CD58: variants seen among roughly 807,000 people sequenced by gnomAD.
CD58 encodes lymphocyte function-associated antigen 3.
In CD58, 14 loss-of-function variants were observed where a neutral mutation model predicts 27.6. That is an observed-to-expected ratio of 0.51 (90% confidence interval 0.34 to 0.79). CD58 has a LOEUF of 0.79. Ranked by LOEUF, CD58 falls within the 30% of genes least tolerant of loss-of-function variation. The probability of loss-of-function intolerance (pLI) is 0.02; values close to 1 mark genes in which losing one functional copy is unlikely to be tolerated. For synonymous variants in CD58, 117 were observed against 103.8 expected (o/e 1.13, Z -0.77); for missense variants, 268 against 301.7 (o/e 0.89, Z 0.83).
At chr1:116,567,417 C>T (rs1658977674) in intron 1 of CD58, among the ~76,000 whole-genome samples, 1 of 152,060 alleles carries the variant, frequency 6.6e-6, no homozygotes, top group Non-Finnish European at 1.5e-5. Flanking sequence ...GGGAGGATCA[C>T]TTGAGCCCAG....
At chr1:116,548,875 T>C (rs1658287449) in intron 1 of CD58, among the ~76,000 whole-genome samples, 1 of 152,224 alleles carries the variant, frequency 6.6e-6, no homozygotes, top group South Asian at 2.1e-4. Context: ...CACATTGTCT[T>C]GTATTCCTTT....
chr1:116,569,534 CAA>C (rs1469945780), intron 1 of CD58, among the ~76,000 whole-genome samples: 1 of 151,286 alleles, frequency 6.6e-6, no homozygotes, highest in African/African-American at 2.4e-5. Context: ...GACTGCTTCA[CAA>C]AAGACACTTG....
In CD58 at chr1:116,536,233, A is replaced by G. The variant is rs572700118; in HGVS notation, c.365-5T>C. ...GTGTGGGAGATGGAAGAGACTCTGG[A>G]AAAAAAAGTATAATATTTAGTACAG... On this transcript the variant is annotated splice_polypyrimidine_tract_variant and splice_region_variant and intron_variant, in intron 2 of 5. Coordinates refer to ENST00000369489, the MANE Select transcript of CD58 (RefSeq NM_001779.3). The surrounding 1 kb of genome is among the most constrained non-coding windows in gnomAD (Gnocchi z 5.4). The G allele has an allele frequency of 6.7e-5, 106 of 1,592,584 alleles. No homozygotes were observed. The East Asian group carries it at 1.8e-3, about 27-fold the overall frequency.
At position 116,570,074 on chromosome 1, in the gene CD58, G is replaced by C. The variant is rs1659088914; in HGVS notation, c.70+829C>G. 1.3e-5 allele frequency among the ~76,000 whole-genome samples: 2 copies of C among 152,232 alleles called. No homozygotes were observed. The highest frequency in any genetic ancestry group is 2.9e-5 in the Non-Finnish European group (2 of 68,048). ...GGCTGGCAGTGGGGTGCAGGAGCCA[G>C]CCATGAGAACCCCTCAAGTACAGTT... On this transcript the variant is annotated intron_variant, in intron 1 of 5. Transcript: ENST00000369489. The surrounding 1 kb of genome is among the most constrained non-coding windows in gnomAD (Gnocchi z 6.4).
chr1:116,540,760 C>A (rs1014306531), intron 2 of CD58, among the ~76,000 whole-genome samples: 10 of 152,172 alleles, frequency 6.6e-5, no homozygotes, highest in African/African-American at 2.2e-4. Context: ...GTCTGACTAA[C>A]AAAACCATAC....
At chr1:116,560,948 C>T (rs971860762) in intron 1 of CD58, among the ~76,000 whole-genome samples, 3 of 152,204 alleles carry the variant, frequency 2.0e-5, no homozygotes, top group Admixed American at 1.3e-4. Flanking sequence ...ATTTAAGGGT[C>T]TGTGTCCTTA....
rs1288025776 is a variant in CD58 at position 116,559,749 on chromosome 1, C to T, written c.70+11154G>A. Among the ~76,000 whole-genome samples, 1 of 152,210 alleles carries T rather than the reference C, an allele frequency of 6.6e-6. No individual in the cohort carries two copies. Among genetic ancestry groups the T allele is most frequent in the Non-Finnish European group, 1.5e-5 (1 of 68,028 alleles). On this transcript the variant is annotated intron_variant, in intron 1 of 5. Transcript: ENST00000369489. The surrounding 1 kb of genome is among the most constrained non-coding windows in gnomAD (Gnocchi z 4.4). ...TTAAGATGTTGGTTCTCTAAATCAA[C>T]TTCTTTCTGTACTTTCCTTCTAATA...
In CD58 at chr1:116,536,319, A is replaced by G. The variant is rs941464164; in HGVS notation, c.365-91T>C. The stretch of plus-strand genomic sequence containing the variant: ...TATGAAGAGCTCGCAACCTCCTTAC[A>G]AGCTTGAAAGGATGAGCAGACAAAC... On this transcript the variant is annotated intron_variant, in intron 2 of 5. Transcript: ENST00000369489. The surrounding 1 kb of genome is among the most constrained non-coding windows in gnomAD (Gnocchi z 5.4). 51 of 913,958 alleles carry G rather than the reference A, an allele frequency of 5.6e-5. No individual in the cohort carries two copies. Among genetic ancestry groups the G allele is most frequent in the Admixed American group, 2.7e-4 (10 of 36,652 alleles). 56.6% of individuals were successfully genotyped at this position (913,958 alleles called of 1,614,324 possible).
intron 2 of CD58, among the ~76,000 whole-genome samples, chr1:116,543,590 G>T (rs994281957): frequency 1.3e-5 from 2 of 152,108 alleles, no homozygotes; most frequent in African/African-American, 2.4e-5. Context: ...TCAGTGAGAA[G>T]CAGGGAGAAA....
chr1:116,525,133 T>C (rs7512402), intron 3 of CD58, among the ~76,000 whole-genome samples: 1 of 152,242 alleles, frequency 6.6e-6, no homozygotes, highest in Non-Finnish European at 1.5e-5. Context: ...TTTGGACAAA[T>C]GTATAATAAC....
At chr1:116,566,829 AAT>A (rs766074219) in intron 1 of CD58, among the ~76,000 whole-genome samples, 1 of 151,926 alleles carries the variant, frequency 6.6e-6, no homozygotes, top group Non-Finnish European at 1.5e-5. Flanking sequence ...TAAACTAATA[AAT>A]ATATATATAG....
intron 5 of CD58, among the ~76,000 whole-genome samples, chr1:116,518,203 C>T (rs545231216): frequency 1.6e-4 from 25 of 152,028 alleles, no homozygotes; most frequent in Non-Finnish European, 3.2e-4. Flanking sequence ...GCATTTGAAC[C>T]AGGGAGTTTG....
chr1:116,567,077 C>T (rs532910481), intron 1 of CD58, among the ~76,000 whole-genome samples: 72 of 151,076 alleles, frequency 4.8e-4, no homozygotes, highest in African/African-American at 1.7e-3. Flanking sequence ...GAGATCAAGG[C>T]TGCAGTGAGC....
rs903249260 is a variant in CD58 at position 116,541,259 on chromosome 1, A to G, written c.364+3052T>C. On this transcript the variant is annotated intron_variant, in intron 2 of 5. Transcript: ENST00000369489. This position sits in a 1 kb window ranked among gnomAD's most constrained non-coding sequence, Gnocchi z 5.3. ...CTCAATCCTCTTGTTTGTTGGCCCT[A>G]TCTATAAATTATCAGATCCCCAATG... is the stretch of plus-strand genomic sequence containing the variant. Among the ~76,000 whole-genome samples the G allele has an allele frequency of 1.3e-5, 2 of 152,214 alleles. No individual in the cohort carries two copies. Among genetic ancestry groups the G allele is most frequent in the Admixed American group, 6.5e-5 (1 of 15,286 alleles).
intron 3 of CD58, chr1:116,533,006 T>G (rs1163863397): frequency 1.3e-6 from 1 of 749,780 alleles, no homozygotes; most frequent in Non-Finnish European, 2.3e-6. Flanking sequence ...ATCCTCATCT[T>G]CTCCCTCCTC....
Position 116,551,718 on chromosome 1 carries a change from CT to C in CD58, c.71-7115del, listed in dbSNP as rs1044936412. On this transcript the variant is annotated intron_variant, in intron 1 of 5. Transcript: ENST00000369489. Reference sequence around the variant, plus strand: ...AGGCCTAGTTTTCAGCCCATCGTGGCTTTTTTTTTTTCTTTCTTTCTTTTTT... The same window carrying C: ...AGGCCTAGTTTTCAGCCCATCGTGGCTTTTTTTTTTCTTTCTTTCTTTTTT... Among the ~76,000 whole-genome samples the C allele has an allele frequency of 9.9e-4, 139 of 139,778 alleles. 1 individual carries two copies. Among genetic ancestry groups the C allele is most frequent in the African/African-American group, 2.3e-3 (88 of 38,188 alleles). 91.7% of individuals were successfully genotyped at this position (139,778 alleles called of 152,430 possible).
rs1657107237 is a variant in CD58 at position 116,517,142 on chromosome 1, C to A, written c.743+2089G>T. 6.6e-6 allele frequency among the ~76,000 whole-genome samples: 1 copy of A among 152,082 alleles called. No homozygotes were observed. Among genetic ancestry groups the A allele is most frequent in the Non-Finnish European group, 1.5e-5 (1 of 68,018 alleles). ...CACTCAGAGTTCCCCTCCACTGTAA[C>A]CACCTAGATCTCAGCAGAGACCTGA... On this transcript the variant is annotated intron_variant, in intron 5 of 5. Transcript: ENST00000369489. This position sits in a 1 kb window ranked among gnomAD's most constrained non-coding sequence, Gnocchi z 6.5.
Position 116,519,106 on chromosome 1 carries a change from T to A in CD58, c.743+125A>T. 6.6e-7 allele frequency: 1 copy of A among 1,523,400 alleles called. No homozygotes were observed. The allele number at this position is 1,523,400 out of a possible 1,614,324, so 94.4% of individuals were successfully genotyped here. A position where few individuals can be genotyped will look rare whatever the true frequency, so the allele number is the denominator to read the frequency against. On this transcript the variant is annotated intron_variant, in intron 5 of 5. Transcript: ENST00000369489. The surrounding 1 kb of genome is among the most constrained non-coding windows in gnomAD (Gnocchi z 4.7). ...ACACTATGGTTAGTATATCTGCTGA[T>A]GTTACTTCTTATTACTGTACAAGGC... is the stretch of plus-strand genomic sequence containing the variant.
rs992541020 is a variant in CD58 at position 116,552,013 on chromosome 1, T to A, written c.71-7409A>T. ...CCTTGGCCTCCCAAAGTGCTGGGAT[T>A]ACAGTTGTGAGCCACCACGCCCGGC... On this transcript the variant is annotated intron_variant, in intron 1 of 5. Coordinates refer to ENST00000369489, the MANE Select transcript of CD58 (RefSeq NM_001779.3). The surrounding 1 kb of genome is among the most constrained non-coding windows in gnomAD (Gnocchi z 4.5). Among the ~76,000 whole-genome samples the A allele has an allele frequency of 6.6e-6, 1 of 152,252 alleles. No individual in the cohort carries two copies. The highest frequency in any genetic ancestry group is 1.5e-5 in the Non-Finnish European group (1 of 68,040).
Sources: allele counts gnomAD v4.1 joint callset (sites outside exome capture counted in the v4.1 genomes callset), GRCh38; gene constraint gnomAD v4.1.1; non-coding constraint Gnocchi (gnomAD v3.1); transcripts MANE v1.5; gene names NCBI Gene and HGNC (gene_info 2026-07-23, HGNC 2026-07-21).